The following SHANK2 variants were observed in gnomAD, a reference collection of about 807,000 sequenced individuals.
The protein encoded by SHANK2 is SH3 and multiple ankyrin repeat domains protein 2.
In SHANK2, 43 loss-of-function variants were observed where a neutral mutation model predicts 133.7. The ratio of observed to expected loss-of-function variants is 0.32; its 90% confidence interval spans 0.25 to 0.41. The LOEUF (loss-of-function observed/expected upper bound fraction) is 0.41. SHANK2 is among the 10% of genes least tolerant of loss of function. The pLI, the probability that SHANK2 is intolerant of heterozygous loss-of-function variation, is 1.00. For synonymous variants in SHANK2, 1,017 were observed against 952.8 expected, an observed-to-expected ratio of 1.07 and a Z score of -1.24; for missense variants, 1,994 against 2,235.8, an observed-to-expected ratio of 0.89 and a Z score of 2.18.
chr11:70,918,788 TGACCCAC>T (rs1950306704), intron 10 of SHANK2, among the ~76,000 whole-genome samples: 3 of 152,186 alleles, frequency 2.0e-5, no homozygotes, highest in African/African-American at 7.2e-5. Flanking sequence ...TTACAGGGCA[TGACCCAC>T]CATGCCCAGC....
chr11:70,541,267 C>T (rs1244584196), intron 17 of SHANK2, among the ~76,000 whole-genome samples: 1 of 152,234 alleles, frequency 6.6e-6, no homozygotes, highest in Non-Finnish European at 1.5e-5. Flanking sequence ...GCCCTTTCAC[C>T]TGAGAACACC....
chr11:70,870,472 C>T (rs986247979), intron 11 of SHANK2, among the ~76,000 whole-genome samples: 1 of 152,118 alleles, frequency 6.6e-6, no homozygotes, highest in African/African-American at 2.4e-5. Context: ...GGCCAGCTGG[C>T]CAGGAAAGAT....
intron 2 of SHANK2, among the ~76,000 whole-genome samples, chr11:71,162,537 T>C (rs1446795126): frequency 2.6e-5 from 4 of 152,220 alleles, no homozygotes; most frequent in African/African-American, 9.7e-5. Flanking sequence ...TGTATAGTAA[T>C]ATCAGGTAAA....
intron 2 of SHANK2, among the ~76,000 whole-genome samples, chr11:71,167,734 T>G: frequency 9.3e-6 from 1 of 107,606 alleles, no homozygotes; most frequent in Non-Finnish European, 1.9e-5. Flanking sequence ...CACTTCCCAG[T>G]AGGGGCGGCC....
At chr11:71,230,749 A>T (rs1233684551) in intron 1 of SHANK2, among the ~76,000 whole-genome samples, 2 of 152,186 alleles carry the variant, frequency 1.3e-5, no homozygotes, top group Admixed American at 1.3e-4. Flanking sequence ...AACTCAATAC[A>T]GAGCCCAGAA....
At chr11:70,576,476 C>A (rs4980615) in intron 17 of SHANK2, among the ~76,000 whole-genome samples, 122,643 of 151,968 alleles carry the variant, frequency 0.81, 49,897 homozygotes, top group South Asian at 0.9. Flanking sequence ...CTACTAAAAA[C>A]AATACAAAAT....
chr11:70,833,465 G>A (rs187232115), intron 11 of SHANK2, among the ~76,000 whole-genome samples: 1 of 152,338 alleles, frequency 6.6e-6, no homozygotes, highest in Admixed American at 6.5e-5. Flanking sequence ...CTGGGCATGC[G>A]ACATCTCTCA....
intron 17 of SHANK2, among the ~76,000 whole-genome samples, chr11:70,581,426 C>A (rs1398289053): frequency 6.6e-6 from 1 of 152,170 alleles, no homozygotes; most frequent in East Asian, 1.9e-4. Context: ...TACAGTGGCT[C>A]ATGCCTGTAA....
At chr11:70,700,359 G>T (rs1218331143) in intron 14 of SHANK2, among the ~76,000 whole-genome samples, 1 of 152,162 alleles carries the variant, frequency 6.6e-6, no homozygotes, top group African/African-American at 2.4e-5. Flanking sequence ...CCACTTCGCA[G>T]GCCCCTCCAG....
At chr11:71,240,135 G>A (rs568243098) in intron 1 of SHANK2, among the ~76,000 whole-genome samples, 59 of 152,268 alleles carry the variant, frequency 3.9e-4, no homozygotes, top group African/African-American at 1.3e-3. Flanking sequence ...AGCCTGCCAC[G>A]GGGTACTTGG....
intron 14 of SHANK2, among the ~76,000 whole-genome samples, chr11:70,734,444 ACT>A (rs1238200924): frequency 6.6e-6 from 1 of 152,168 alleles, no homozygotes; most frequent in African/African-American, 2.4e-5. Context: ...CACGCTCCAC[ACT>A]GACAGCTCAG....
chr11:70,646,901 C>T (rs184925074), intron 17 of SHANK2, among the ~76,000 whole-genome samples: 1,854 of 151,596 alleles, frequency 0.012, 15 homozygotes, highest in Non-Finnish European at 0.019. Flanking sequence ...TGCTCTGTTG[C>T]CCAGGCTGGA....
At chr11:70,827,625 T>G (rs1948662853) in intron 11 of SHANK2, among the ~76,000 whole-genome samples, 1 of 143,164 alleles carries the variant, frequency 7.0e-6, no homozygotes. Flanking sequence ...TAGTGTGCTG[T>G]GTGTGTGTGT....
chr11:71,215,664 C>T (rs1954397138), intron 2 of SHANK2, among the ~76,000 whole-genome samples: 1 of 151,876 alleles, frequency 6.6e-6, no homozygotes, highest in Non-Finnish European at 1.5e-5. Flanking sequence ...CACTCAGGGC[C>T]CTGCTAATGT....
intron 15 of SHANK2, among the ~76,000 whole-genome samples, chr11:70,690,570 T>C (rs1455444494): frequency 2.2e-5 from 3 of 137,352 alleles, no homozygotes; most frequent in East Asian, 2.4e-4. Flanking sequence ...TTCTCCTGCC[T>C]TGGCTTCCCA....
intron 9 of SHANK2, among the ~76,000 whole-genome samples, chr11:71,065,561 T>TGG (rs1951041508): frequency 1.1e-5 from 1 of 91,692 alleles, no homozygotes; most frequent in Non-Finnish European, 2.1e-5. Context: ...GTGGGGAAGT[T>TGG]GAGGGGTGTG....
intron 2 of SHANK2, among the ~76,000 whole-genome samples, chr11:71,156,942 G>T (rs1952918557): frequency 6.6e-6 from 1 of 152,210 alleles, no homozygotes; most frequent in East Asian, 1.9e-4. Flanking sequence ...ACAATGCATG[G>T]CCCACTGAGG....
At position 70,473,796 on chromosome 11, in the gene SHANK2, C is replaced by T. The variant is rs1447790905; in HGVS notation, c.4980-357G>A. ...TGCTGGGGGGCAGGGCCGGGGGACC[C>T]TCGGGAGGGTGGCCACTGAGGCATT... On this transcript the variant is annotated intron_variant, in intron 25 of 25. Coordinates refer to ENST00000601538, the MANE Select transcript of SHANK2 (RefSeq NM_012309.5). The surrounding 1 kb of genome is among the most constrained non-coding windows in gnomAD (Gnocchi z 5.9). 2.7e-6 allele frequency: 1 copy of T among 373,172 alleles called. No individual in the cohort carries two copies. The highest frequency in any genetic ancestry group is 2.1e-5 in the African/African-American group (1 of 47,890). 23.1% of individuals were successfully genotyped at this position (373,172 alleles called of 1,614,324 possible).
chr11:70,653,216 G>A (rs925177627), intron 17 of SHANK2, among the ~76,000 whole-genome samples: 1 of 152,038 alleles, frequency 6.6e-6, no homozygotes. Context: ...CTCGTGATCC[G>A]CCTGCCTTGG....
Sources: allele counts gnomAD v4.1 joint callset (sites outside exome capture counted in the v4.1 genomes callset), GRCh38; gene constraint gnomAD v4.1.1; non-coding constraint Gnocchi (gnomAD v3.1); transcripts MANE v1.5; gene names NCBI Gene and HGNC (gene_info 2026-07-23, HGNC 2026-07-21).